The following ATM variants were observed in gnomAD, a reference collection of about 807,000 sequenced individuals.
The protein encoded by ATM is serine-protein kinase ATM.
A neutral mutation model predicts 387.0 loss-of-function variants in ATM; 308 were observed. The observed-to-expected ratio is 0.80, with a 90% CI of 0.73 to 0.87. ATM has a LOEUF of 0.87. Ranked by LOEUF, ATM falls within the 40% of genes least tolerant of loss-of-function variation. The pLI is 0.00. For missense variants in ATM, 3,312 were observed against 3,560.9 expected (o/e 0.93, Z 1.78); for synonymous variants, 1,156 against 1,187.3 (o/e 0.97, Z 0.54).
In ATM at chr11:108,227,576, A is replaced by C. The variant is rs763900742; in HGVS notation, c.-30-19A>C. The stretch of plus-strand genomic sequence containing the variant: ...TATATACATATACATATATATACCT[A>C]TATGTATTTTTTTTACAGACAGTGA... On this transcript the variant is annotated intron_variant, in intron 1 of 62. Transcript: ENST00000675843. The C allele has an allele frequency of 6.9e-7, 1 of 1,439,408 alleles. No homozygotes were observed. 89.2% of individuals were successfully genotyped at this position (1,439,408 alleles called of 1,614,324 possible).
At position 108,243,983 on chromosome 11, in the gene ATM, T is replaced by A. The variant is rs1555066315; in HGVS notation, c.527T>A (p.Leu176Gln). The change falls in exon 6 of 63, where the codon CTG becomes CAG. Residue 176 changes from leucine to glutamine, a missense_variant. Around this residue, in one of 4 missense-constraint regions of ATM, gnomAD observed 1,791 missense variants for 1,804.5 expected, o/e 0.99. Coordinates refer to ENST00000675843, the MANE Select transcript of ATM (RefSeq NM_000051.4). Reference protein sequence around the residue: ...ELFSVYFRLYLKPSQDVHRVL... With the variant: ...ELFSVYFRLYQKPSQDVHRVL... ...TTCTCTGTGTACTTCAGGCTCTATC[T>A]GAAACCTTCACAAGATGTTCATAGA... The A allele has an allele frequency of 6.2e-7, 1 of 1,607,378 alleles. No homozygotes were observed. The highest frequency in any genetic ancestry group is 1.7e-4 in the Middle Eastern group (1 of 6,046).
At chr11:108,269,447 C>T (rs1388485876) in intron 18 of ATM, among the ~76,000 whole-genome samples, 1 of 152,132 alleles carries the variant, frequency 6.6e-6, no homozygotes, top group Non-Finnish European at 1.5e-5. Flanking sequence ...TCTTCAAATC[C>T]AAGCCAACAT....
intron 36 of ATM, among the ~76,000 whole-genome samples, chr11:108,303,922 T>C (rs963992782): frequency 1.3e-5 from 2 of 152,220 alleles, no homozygotes; most frequent in African/African-American, 2.4e-5. Flanking sequence ...TCTCTAGCTC[T>C]AAAACTGGTG....
intron 22 of ATM, among the ~76,000 whole-genome samples, chr11:108,277,165 T>C (rs2081989462): frequency 6.6e-6 from 1 of 152,138 alleles, no homozygotes; most frequent in African/African-American, 2.4e-5. Flanking sequence ...GTTTATACTG[T>C]GAGGGGAAAA....
chr11:108,341,835 A>G (rs1217609711), intron 56 of ATM, among the ~76,000 whole-genome samples: 3 of 152,264 alleles, frequency 2.0e-5, no homozygotes, highest in Admixed American at 6.5e-5. Context: ...GACAATATTA[A>G]GTATTGCGAA....
Position 108,247,311 on chromosome 11 carries a change from C to T in ATM, c.1065+184C>T, listed in dbSNP as rs554932323. On this transcript the variant is annotated intron_variant, in intron 8 of 62. Transcript: ENST00000675843. ...TACCCTTTTAACTTAAAAGTTAATG[C>T]TTTTGCAGATATTTGAAAACTAACA... 3.0e-3 allele frequency among the ~76,000 whole-genome samples: 463 copies of T among 152,218 alleles called. 6 individuals carry two copies. Among genetic ancestry groups the T allele is most frequent in the African/African-American group, 0.011 (452 of 41,538 alleles).
chr11:108,336,829 C>T (rs1057369686), intron 56 of ATM, among the ~76,000 whole-genome samples: 2 of 152,166 alleles, frequency 1.3e-5, no homozygotes, highest in African/African-American at 4.8e-5. Context: ...ATGAGCTGAT[C>T]ATCTTTGACT....
chr11:108,366,773 C>G lies in ATM; in HGVS notation c.*1265C>G, dbSNP rs564239571. On this transcript the variant is annotated 3_prime_UTR_variant, in exon 63 of 63. Transcript: ENST00000675843. ...TAGTGGGCAGAATATTTGATTGATGCCTTTTTCACTGAGAGTATAAGCTTC... is the reference window on the plus strand; with the variant it reads ...TAGTGGGCAGAATATTTGATTGATGGCTTTTTCACTGAGAGTATAAGCTTC... The G allele has an allele frequency of 4.3e-6, 1 of 230,548 alleles. No homozygotes were observed. Among genetic ancestry groups the G allele is most frequent in the South Asian group, 1.8e-4 (1 of 5,502 alleles). The allele number at this position is 230,548 out of a possible 1,614,324, so 14.3% of individuals were successfully genotyped here.
Position 108,326,302 on chromosome 11 carries a change from A to G in ATM, c.6975+77A>G, listed in dbSNP as rs1031252118. On this transcript the variant is annotated intron_variant, in intron 47 of 62. Transcript: ENST00000675843. ...ACAAATGTACTTTAAAATATTTTTA[A>G]TAACAATTTTATTAGAGCCTTGAAA... 41 of 1,532,464 alleles carry G rather than the reference A, an allele frequency of 2.7e-5. No homozygotes were observed. The Admixed American group carries it at 7.4e-4, about 28-fold the overall frequency. The allele number at this position is 1,532,464 out of a possible 1,614,324, so 94.9% of individuals were successfully genotyped here.
rs755694394 is a variant in ATM at position 108,315,869 on chromosome 11, T to G, written c.6053T>G (p.Leu2018Trp). 1 of 1,613,536 alleles carries G rather than the reference T, an allele frequency of 6.2e-7. No homozygotes were observed. The highest frequency in any genetic ancestry group is 1.1e-5 in the South Asian group (1 of 91,060). ...IYRSIGEPDS[L>W]YGCGGGKMLQ... is the part of the protein sequence containing the mutation. ...AGAAGTATAGGGGAGCCAGATAGTT[T>G]GTATGGCTGTGGTGGAGGGAAGATG... Residue 2018 changes from leucine (L) to tryptophan (W), a missense_variant, in exon 41 of 63, where the codon TTG becomes TGG. Physicochemically the swap from Leu to Trp is moderately conservative, Grantham distance 61 (BLOSUM62 -2). This residue lies in a region of ATM where 1,405 missense variants were observed against 1,604.4 expected (regional missense o/e 0.88). Coordinates refer to ENST00000675843, the MANE Select transcript of ATM (RefSeq NM_000051.4).
rs768430443 is a variant in ATM at position 108,257,512 on chromosome 11, C to A, written c.2282C>A (p.Thr761Asn). 6.2e-7 allele frequency: 1 copy of A among 1,613,562 alleles called. No homozygotes were observed. Among genetic ancestry groups the A allele is most frequent in the South Asian group, 1.1e-5 (1 of 91,080 alleles). ...ATGCAATGTGCAGGAGAAAGTATCA[C>A]TCTGTTTAAAAATAAGACAAATGAG... is the stretch of plus-strand genomic sequence containing the variant. Reference protein sequence around the residue: ...SLMQCAGESITLFKNKTNEEF... With the variant: ...SLMQCAGESINLFKNKTNEEF... Residue 761 changes from threonine (T) to asparagine (N), a missense_variant, in exon 15 of 63, where the codon ACT becomes AAT. By Grantham distance (65) the Thr-to-Asn change is moderately conservative (BLOSUM62 0). This residue lies in a region of ATM where 1,791 missense variants were observed against 1,804.5 expected (regional missense o/e 0.99). Transcript: ENST00000675843.
intron 45 of ATM, among the ~76,000 whole-genome samples, chr11:108,322,295 T>C (rs548249247): frequency 1.8e-4 from 27 of 152,038 alleles, no homozygotes; most frequent in Non-Finnish European, 3.8e-4. Flanking sequence ...GCTGGGATTA[T>C]AGGTGCCCCG....
chr11:108,295,200 C>G, intron 32 of ATM, 141 bp downstream of exon 32: 1 of 1,104,034 alleles, frequency 9.1e-7, no homozygotes, highest in East Asian at 2.5e-5. Flanking sequence ...TCTCATCTAA[C>G]TGTAAAACTG....
chr11:108,355,610 C>T (rs2089811546), intron 61 of ATM: 1 of 152,274 alleles, frequency 6.6e-6, no homozygotes, highest in Admixed American at 6.5e-5. Context: ...CACTTTTCCA[C>T]TACTCAGCTT....
intron 16 of ATM, among the ~76,000 whole-genome samples, chr11:108,265,935 T>C (rs2081208968): frequency 6.7e-6 from 1 of 148,664 alleles, no homozygotes; most frequent in Admixed American, 6.8e-5. Context: ...CACAATGAGA[T>C]ACCATCTCAC....
At chr11:108,310,416 A>C in intron 39 of ATM, 101 bp downstream of exon 39, 1 of 1,112,096 alleles carries the variant, frequency 9.0e-7, no homozygotes, top group Non-Finnish European at 1.3e-6. Flanking sequence ...CCCCATTTAA[A>C]AGATATTTTA....
At chr11:108,296,955 A>G in intron 32 of ATM, 1 of 327,090 alleles carries the variant, frequency 3.1e-6, no homozygotes, top group East Asian at 7.8e-5. Flanking sequence ...TTAAAAAGCC[A>G]AGCAGGCTCC....
At chr11:108,244,687 G>T in intron 6 of ATM, 101 bp from the exon 7 acceptor site, 1 of 942,826 alleles carries the variant, frequency 1.1e-6, no homozygotes, top group Non-Finnish European at 1.7e-6. Flanking sequence ...GAAAATTAGG[G>T]TTTTGTTTTT....
chr11:108,236,246 C>A, intron 5 of ATM: 1 of 240,340 alleles, frequency 4.2e-6, no homozygotes, highest in Non-Finnish European at 8.3e-6. Context: ...AGGGAAGTAC[C>A]ATAAAAGTGA....
Sources: allele counts gnomAD v4.1 joint callset (sites outside exome capture counted in the v4.1 genomes callset), GRCh38; gene constraint gnomAD v4.1.1; regional missense constraint gnomAD v4.1.1; transcripts MANE v1.5; gene names NCBI Gene and HGNC (gene_info 2026-07-23, HGNC 2026-07-21).